The following PCNX2 variants were observed in gnomAD, a reference collection of about 807,000 sequenced individuals.
PCNX2 encodes pecanex 2, also known as pecanex-like protein 2.
A neutral mutation model predicts 223.8 loss-of-function variants in PCNX2; 168 were observed. That is an observed-to-expected ratio of 0.75 (90% CI 0.66 to 0.85). PCNX2 has a LOEUF of 0.85. Ranked by LOEUF, PCNX2 falls within the 40% of genes least tolerant of loss-of-function variation. The pLI, the probability that PCNX2 is intolerant of heterozygous loss-of-function variation, is 0.00. For missense variants in PCNX2, 2,507 were observed against 2,675.5 expected (o/e 0.94, Z 1.39); for synonymous variants, 1,006 against 1,052.6 (o/e 0.96, Z 0.86).
chr1:233,012,302 G>T (rs1670497743), intron 28 of PCNX2, among the ~76,000 whole-genome samples: 1 of 151,952 alleles, frequency 6.6e-6, no homozygotes, highest in Admixed American at 6.6e-5. Flanking sequence ...AGAGCGGTGG[G>T]GCCCTGCCAG....
chr1:233,194,622 G>C (rs1055705295), intron 15 of PCNX2, among the ~76,000 whole-genome samples: 5 of 151,996 alleles, frequency 3.3e-5, no homozygotes, highest in Admixed American at 3.3e-4. Flanking sequence ...AAGAACATAA[G>C]CTATTTTATG....
chr1:233,224,232 A>G (rs978404223), intron 10 of PCNX2, among the ~76,000 whole-genome samples: 2 of 152,206 alleles, frequency 1.3e-5, no homozygotes, highest in South Asian at 2.1e-4. Context: ...ATAAACCCTC[A>G]GTGTTTTGAA....
At chr1:233,250,186 G>C (rs551244434) in intron 8 of PCNX2, among the ~76,000 whole-genome samples, 44 of 152,312 alleles carry the variant, frequency 2.9e-4, no homozygotes, top group Middle Eastern at 3.4e-3. Flanking sequence ...GTCTGCCACT[G>C]ACAAGACGTA....
At position 233,095,872 on chromosome 1, in the gene PCNX2, A is replaced by C; in HGVS notation, c.3838-9T>G. On this transcript the variant is annotated splice_polypyrimidine_tract_variant and intron_variant, in intron 21 of 33. Coordinates refer to ENST00000258229, the MANE Select transcript of PCNX2 (RefSeq NM_014801.4). The stretch of plus-strand genomic sequence containing the variant: ...TGAAGCAGGTCCCCGAGCTGAAAGT[A>C]AAAGAAAAAAAATTCATCAGAGAGG... 1 of 1,573,292 alleles carries C rather than the reference A, an allele frequency of 6.4e-7. No individual in the cohort carries two copies. The highest frequency in any genetic ancestry group is 8.7e-7 in the Non-Finnish European group (1 of 1,151,112).
chr1:233,077,372 C>T (rs904447687), intron 23 of PCNX2, among the ~76,000 whole-genome samples: 2 of 152,160 alleles, frequency 1.3e-5, no homozygotes, highest in African/African-American at 4.8e-5. Context: ...CTCATCTCTC[C>T]TCAACCCTCA....
Position 232,998,318 on chromosome 1 carries a change from G to A in PCNX2, c.5724C>T (p.Ser1908=), listed in dbSNP as rs759454816. Residue 1908 remains serine (S), a synonymous_variant, in exon 32 of 34, where the codon AGC becomes AGT. Transcript: ENST00000258229. ...NAPSGGSQES[S]AEQPRKGGAQ... Reference sequence around the variant, plus strand: ...CACCGCCTTTTCTGGGCTGTTCTGCGCTGCTCTCCTGGCTGCCACCACTCG... The same window carrying A: ...CACCGCCTTTTCTGGGCTGTTCTGCACTGCTCTCCTGGCTGCCACCACTCG... 60 of 1,612,750 alleles carry A rather than the reference G, an allele frequency of 3.7e-5. No homozygotes were observed. The highest frequency in any genetic ancestry group is 1.7e-4 in the Middle Eastern group (1 of 6,058).
Position 233,094,722 on chromosome 1 carries a change from T to C in PCNX2, c.3946+1033A>G, listed in dbSNP as rs959435674. 2.0e-5 allele frequency among the ~76,000 whole-genome samples: 3 copies of C among 152,166 alleles called. 1 individual carries two copies. The highest frequency in any genetic ancestry group is 7.2e-5 in the African/African-American group (3 of 41,444). ...CTTAATGAGCCTTATGTAAATTTCATATGGAAGAGAGTTCTGAGTGGTCAT... is the reference window on the plus strand; with the variant it reads ...CTTAATGAGCCTTATGTAAATTTCACATGGAAGAGAGTTCTGAGTGGTCAT... On this transcript the variant is annotated intron_variant, in intron 22 of 33. Transcript: ENST00000258229.
chr1:233,261,928 AC>A, intron 3 of PCNX2, 116 bp downstream of exon 3: 1 of 1,458,972 alleles, frequency 6.9e-7, no homozygotes, highest in Non-Finnish European at 9.5e-7. Flanking sequence ...TCCACTGTAC[AC>A]GGGCCAGTGA....
In PCNX2 at chr1:233,258,233, T is replaced by C. The variant is rs376637079; in HGVS notation, c.1629A>G (p.Lys543=). ...VDSGTDVFLS[K]SSAEIVNDTE... ...TATCGTTAACAATTTCTGCAGAACT[T>C]TTACTCAAGAAGACATCTGTCCCAC... Residue 543 remains lysine, a synonymous_variant, in exon 5 of 34, where the codon AAA becomes AAG. Coordinates refer to ENST00000258229, the MANE Select transcript of PCNX2 (RefSeq NM_014801.4). 9.9e-6 allele frequency: 16 copies of C among 1,613,868 alleles called. No homozygotes were observed. The highest frequency in any genetic ancestry group is 1.3e-5 in the African/African-American group (1 of 74,912).
At chr1:232,997,086 C>G (rs1267602081) in intron 32 of PCNX2, among the ~76,000 whole-genome samples, 2 of 152,142 alleles carry the variant, frequency 1.3e-5, no homozygotes, top group African/African-American at 4.8e-5. Context: ...TACCCCTTTT[C>G]CTTATCCCCT....
At chr1:233,274,819 T>C (rs573357645) in intron 1 of PCNX2, among the ~76,000 whole-genome samples, 2 of 152,214 alleles carry the variant, frequency 1.3e-5, no homozygotes, top group Admixed American at 6.5e-5. Context: ...ATGAAAAATC[T>C]TGACATTAGG....
intron 23 of PCNX2, among the ~76,000 whole-genome samples, chr1:233,087,715 C>A (rs1186233301): frequency 6.6e-6 from 1 of 152,140 alleles, no homozygotes; most frequent in East Asian, 1.9e-4. Context: ...GTTCTGATGC[C>A]TTCACAAAAG....
chr1:233,274,195 T>C (rs1335681258), intron 1 of PCNX2, among the ~76,000 whole-genome samples: 1 of 152,184 alleles, frequency 6.6e-6, no homozygotes, highest in African/African-American at 2.4e-5. Context: ...ATGGACTTCA[T>C]CCACTAATAT....
intron 19 of PCNX2, among the ~76,000 whole-genome samples, chr1:233,157,184 G>A (rs1678185785): frequency 6.6e-6 from 1 of 152,126 alleles, no homozygotes; most frequent in Non-Finnish European, 1.5e-5. Context: ...TCTGGGTAGT[G>A]ATGATTGCAA....
chr1:233,002,929 T>C (rs1670140243), intron 28 of PCNX2, among the ~76,000 whole-genome samples: 1 of 152,096 alleles, frequency 6.6e-6, no homozygotes, highest in Admixed American at 6.5e-5. Flanking sequence ...TAATAAATGG[T>C]ATTGGGAAAA....
intron 23 of PCNX2, among the ~76,000 whole-genome samples, chr1:233,069,829 G>T (rs1672773252): frequency 6.6e-6 from 1 of 151,740 alleles, no homozygotes; most frequent in East Asian, 1.9e-4. Flanking sequence ...AAAAAATCTA[G>T]AAAAAGAAGA....
chr1:233,284,895 G>A (rs1214778616), intron 1 of PCNX2: 1 of 916,168 alleles, frequency 1.1e-6, no homozygotes, highest in Non-Finnish European at 1.3e-6. Flanking sequence ...ATAGTGACTG[G>A]TATGATCATC....
chr1:233,157,750 G>A (rs1447346379), intron 19 of PCNX2, among the ~76,000 whole-genome samples: 1 of 152,190 alleles, frequency 6.6e-6, no homozygotes, highest in Non-Finnish European at 1.5e-5. Context: ...GCACCAGAAT[G>A]GGTAACTGGG....
At chr1:233,172,359 A>G (rs1572015732) in intron 17 of PCNX2, 1 of 985,270 alleles carries the variant, frequency 1.0e-6, no homozygotes, top group Non-Finnish European at 1.2e-6. Flanking sequence ...TACCACGTTA[A>G]ATGTCTTCAT....
Sources: gnomAD v4.1 joint callset for allele counts (sites outside exome capture counted in the v4.1 genomes callset) on GRCh38, gnomAD v4.1.1 for gene constraint, MANE v1.5 for transcripts, NCBI Gene and HGNC (gene_info 2026-07-23, HGNC 2026-07-21) for gene names.